Variants in KALRN observed in about 807,000 individuals in gnomAD.
KALRN encodes kalirin RhoGEF kinase.
KALRN carries 70 observed loss-of-function variants against 353.7 expected under a neutral mutation model. The ratio of observed to expected loss-of-function variants is 0.20; its 90% confidence interval spans 0.16 to 0.24. KALRN has a LOEUF of 0.24. KALRN is among the 10% of genes least tolerant of loss of function. The probability of loss-of-function intolerance (pLI) is 1.00; values close to 1 mark genes in which losing one functional copy is unlikely to be tolerated. For missense variants in KALRN, 2,791 were observed against 3,756.7 expected (o/e 0.74, Z 6.72); for synonymous variants, 1,391 against 1,434.8 (o/e 0.97, Z 0.69).
chr3:124,492,120 G>A (rs925057812), intron 31 of KALRN, among the ~76,000 whole-genome samples: 9 of 152,154 alleles, frequency 5.9e-5, no homozygotes, highest in South Asian at 2.1e-4. Context: ...GTCCAACCCC[G>A]ACAAAAGCTT....
intron 55 of KALRN, 51 bp downstream of exon 55, chr3:124,697,775 A>AT: frequency 4.2e-6 from 6 of 1,427,700 alleles, no homozygotes; most frequent in Non-Finnish European, 5.6e-6. Flanking sequence ...TAAAACATTT[A>AT]TTTTTAAAAT....
intron 33 of KALRN, among the ~76,000 whole-genome samples, chr3:124,507,899 T>A (rs1363953312): frequency 6.6e-6 from 1 of 152,222 alleles, no homozygotes; most frequent in Non-Finnish European, 1.5e-5. Flanking sequence ...GACTTTTACA[T>A]CAGAAGTGAA....
rs559694039 is a variant in KALRN, at chr3:124,495,349, G to A, written c.4833-962G>A. On this transcript the variant is annotated intron_variant, in intron 32 of 59. Transcript: ENST00000682506. ...AATTCCTTCTCCACACCCAGGAGTTGAAGGTCTAATATCAGGAATTTCCCA... is the reference window on the plus strand; with the variant it reads ...AATTCCTTCTCCACACCCAGGAGTTAAAGGTCTAATATCAGGAATTTCCCA... 5.9e-5 allele frequency among the ~76,000 whole-genome samples: 9 copies of A among 152,306 alleles called. No individual in the cohort carries two copies. The South Asian group carries it at 1.5e-3, about 25-fold the overall frequency.
chr3:124,439,599 GAATT>G (rs1471558209), intron 18 of KALRN, among the ~76,000 whole-genome samples: 2 of 152,124 alleles, frequency 1.3e-5, no homozygotes, highest in East Asian at 3.8e-4. Flanking sequence ...ATTAGGGTAA[GAATT>G]AAAGAAATGA....
intron 6 of KALRN, among the ~76,000 whole-genome samples, chr3:124,320,843 C>T (rs2079260820): frequency 6.6e-6 from 1 of 152,184 alleles, no homozygotes; most frequent in Non-Finnish European, 1.5e-5. Context: ...GAAATAGTGT[C>T]TGCAGCAGAG....
intron 1 of KALRN, among the ~76,000 whole-genome samples, chr3:124,095,628 T>G (rs928865317): frequency 6.6e-6 from 1 of 152,194 alleles, no homozygotes. Context: ...TCAGTTTTAT[T>G]TCTCAGGTTA....
chr3:124,435,784 C>G, intron 17 of KALRN, among the ~76,000 whole-genome samples: 1 of 152,162 alleles, frequency 6.6e-6, no homozygotes, highest in East Asian at 1.9e-4. Context: ...TCCCTAGATT[C>G]AACACAGTCT....
intron 17 of KALRN, 35 bp downstream of exon 17, chr3:124,434,560 G>A (rs1420924855): frequency 1.9e-6 from 3 of 1,601,622 alleles, no homozygotes; most frequent in Non-Finnish European, 2.6e-6. Context: ...GTGGGGCTGA[G>A]ATTGCCAGGG....
At chr3:124,117,884 C>G (rs1351408487) in intron 1 of KALRN, among the ~76,000 whole-genome samples, 1 of 152,200 alleles carries the variant, frequency 6.6e-6, no homozygotes, top group Non-Finnish European at 1.5e-5. Flanking sequence ...AACTTATAAG[C>G]CTTTATAATT....
intron 15 of KALRN, 31 bp downstream of exon 15, chr3:124,423,009 G>T (rs1243201640): frequency 6.2e-7 from 1 of 1,605,982 alleles, no homozygotes. Flanking sequence ...TTCAGCCTGG[G>T]TTTCTCAGCC....
At chr3:124,042,894 A>C (rs1295588062) in intron 1 of KALRN, among the ~76,000 whole-genome samples, 1 of 152,210 alleles carries the variant, frequency 6.6e-6, no homozygotes, top group Non-Finnish European at 1.5e-5. Flanking sequence ...GGCTGGAGCT[A>C]TCAAAATAGA....
chr3:124,391,665 T>C (rs2089407232), intron 11 of KALRN, among the ~76,000 whole-genome samples: 1 of 152,196 alleles, frequency 6.6e-6, no homozygotes. Context: ...TTGACTCTAC[T>C]CATGGTTTAG....
In KALRN at chr3:124,597,045, C is replaced by A. The variant is rs542023657; in HGVS notation, c.5182+33956C>A. On this transcript the variant is annotated intron_variant, in intron 34 of 59. Transcript: ENST00000682506. ...TCTAGGTGACAGAGCAAGACTCTGT[C>A]TTAAAAAAAAACAAAAACAAAAACA... Among the ~76,000 whole-genome samples, 392 of 148,628 alleles carry A rather than the reference C, an allele frequency of 2.6e-3. 4 individuals are homozygous for A. The highest frequency in any genetic ancestry group is 9.6e-3 in the African/African-American group (382 of 39,782).
intron 5 of KALRN, among the ~76,000 whole-genome samples, chr3:124,282,118 C>T (rs1003648324): frequency 1.3e-5 from 2 of 152,116 alleles, no homozygotes; most frequent in African/African-American, 4.8e-5. Context: ...CCTCGAGACA[C>T]TCAAGGGAAG....
intron 51 of KALRN, among the ~76,000 whole-genome samples, chr3:124,685,150 G>A (rs1275813978): frequency 6.6e-6 from 1 of 152,174 alleles, no homozygotes; most frequent in Admixed American, 6.5e-5. Context: ...AAAAGAAAGT[G>A]AAGCATCACA....
intron 34 of KALRN, among the ~76,000 whole-genome samples, chr3:124,611,736 G>A (rs903147800): frequency 6.6e-6 from 1 of 152,212 alleles, no homozygotes; most frequent in Admixed American, 6.5e-5. Context: ...CAAGGCTGTG[G>A]TTCTAGGCCC....
intron 34 of KALRN, among the ~76,000 whole-genome samples, chr3:124,571,561 A>G (rs773340943): frequency 2.6e-5 from 4 of 152,030 alleles, no homozygotes; most frequent in Non-Finnish European, 5.9e-5. Context: ...CCTTTTATTC[A>G]TGTCTTCCTG....
At chr3:124,132,471 C>T (rs2065418224) in intron 1 of KALRN, among the ~76,000 whole-genome samples, 1 of 152,230 alleles carries the variant, frequency 6.6e-6, no homozygotes, top group Non-Finnish European at 1.5e-5. Context: ...CCGCACAACA[C>T]ATACTCCTGG....
intron 5 of KALRN, among the ~76,000 whole-genome samples, chr3:124,286,082 C>CCTTTCTTTCTTTCTTTCTTTCTTTCTTT (rs55864207): frequency 6.2e-4 from 63 of 102,252 alleles, no homozygotes; most frequent in Non-Finnish European, 8.0e-4. Context: ...TTCTTTCCTT[C>CCTTTCTTTCTTTCTTTCTTTCTTTCTTT]CTTTCTTTCT....
Sources: allele counts gnomAD v4.1 joint callset (sites outside exome capture counted in the v4.1 genomes callset), GRCh38; gene constraint gnomAD v4.1.1; transcripts MANE v1.5; gene names NCBI Gene and HGNC (gene_info 2026-07-23, HGNC 2026-07-21).